ELMOD2: variants seen among roughly 807,000 people sequenced by gnomAD.
ELMOD2 encodes the protein ELMO domain-containing protein 2.
ELMOD2 carries 28 observed loss-of-function variants against 41.0 expected under a neutral mutation model. The ratio of observed to expected loss-of-function variants is 0.68; its 90% CI spans 0.51 to 0.94. The LOEUF (loss-of-function observed/expected upper bound fraction) is 0.94, where lower values mean the gene tolerates loss of function less well. ELMOD2 is among the 40% of genes least tolerant of loss of function. ELMOD2 has a pLI of 0.00. For missense variants in ELMOD2, 333 were observed against 343.1 expected (o/e 0.97, Z 0.23); for synonymous variants, 106 against 107.2 (o/e 0.99, Z 0.07).
chr4:140,545,395 C>G (rs964801452), intron 8 of ELMOD2, among the ~76,000 whole-genome samples: 5 of 152,148 alleles, frequency 3.3e-5, no homozygotes, highest in Non-Finnish European at 7.4e-5. Flanking sequence ...CTAAGTGGTA[C>G]CATCTGGTCC....
At chr4:140,529,104 A>G (rs1050646198) in intron 3 of ELMOD2, among the ~76,000 whole-genome samples, 3 of 152,132 alleles carry the variant, frequency 2.0e-5, no homozygotes, top group Non-Finnish European at 4.4e-5. Context: ...TAAAACACAG[A>G]TTATTGGGCC....
chr4:140,532,829 A>G (rs752570616), intron 3 of ELMOD2, among the ~76,000 whole-genome samples: 1 of 152,250 alleles, frequency 6.6e-6, no homozygotes, highest in Non-Finnish European at 1.5e-5. Flanking sequence ...GAAATAAATT[A>G]TATTAACAGA....
chr4:140,525,339 TTG>T, intron 1 of ELMOD2, 79 bp from the exon 2 acceptor site: 1 of 1,355,428 alleles, frequency 7.4e-7, no homozygotes, highest in South Asian at 1.4e-5. Context: ...AATTTGAGAT[TTG>T]ATCAGTTGTA....
intron 3 of ELMOD2, among the ~76,000 whole-genome samples, chr4:140,534,420 G>A (rs897143080): frequency 2.0e-5 from 3 of 152,144 alleles, no homozygotes; most frequent in Non-Finnish European, 4.4e-5. Flanking sequence ...GGGCATAAAC[G>A]AACTTTCTGG....
At chr4:140,536,317 T>A (rs1487457980) in intron 4 of ELMOD2, among the ~76,000 whole-genome samples, 2 of 152,200 alleles carry the variant, frequency 1.3e-5, no homozygotes, top group Non-Finnish European at 2.9e-5. Context: ...CATTTCTGTG[T>A]TCCCAGCGCT....
At chr4:140,536,169 T>G (rs145129616) in intron 4 of ELMOD2, among the ~76,000 whole-genome samples, 1 of 152,296 alleles carries the variant, frequency 6.6e-6, no homozygotes, top group Non-Finnish European at 1.5e-5. Context: ...CCTACCAGGC[T>G]CCTCCATTCT....
chr4:140,540,337 G>T, intron 6 of ELMOD2, 36 bp downstream of exon 6: 1 of 1,607,242 alleles, frequency 6.2e-7, no homozygotes, highest in Non-Finnish European at 8.5e-7. Flanking sequence ...TTCCCTAAAT[G>T]AAATTACATT....
chr4:140,553,269 A>T lies in ELMOD2; in HGVS notation c.*2894A>T, dbSNP rs867489739. On this transcript the variant is annotated 3_prime_UTR_variant, in exon 9 of 9. Coordinates refer to ENST00000323570, the MANE Select transcript of ELMOD2 (RefSeq NM_153702.4). ...TACACATGATCATGGCACAGAAGAT[A>T]GGAGGTTTGACTTGGTGGGCCATAA... 3.9e-5 allele frequency: 6 copies of T among 152,276 alleles called. No individual in the cohort carries two copies. The highest frequency in any genetic ancestry group is 3.4e-3 in the Middle Eastern group (1 of 294). The allele number at this position is 152,276 out of a possible 1,614,324, so 9.4% of individuals were successfully genotyped here.
intron 8 of ELMOD2, among the ~76,000 whole-genome samples, chr4:140,546,164 T>G (rs941055422): frequency 6.6e-6 from 1 of 152,064 alleles, no homozygotes; most frequent in African/African-American, 2.4e-5. Context: ...CCATAAAAAA[T>G]GATGAGTTCA....
chr4:140,543,923 C>G (rs1327716458), intron 8 of ELMOD2, among the ~76,000 whole-genome samples: 2 of 152,064 alleles, frequency 1.3e-5, no homozygotes, highest in Non-Finnish European at 2.9e-5. Flanking sequence ...CTGTTAAGGA[C>G]AGACCATTTG....
chr4:140,527,362 ATTAG>A, intron 2 of ELMOD2, 100 bp from the exon 3 acceptor site: 1 of 867,298 alleles, frequency 1.2e-6, no homozygotes, highest in South Asian at 1.5e-5. Context: ...TCCTGGAACT[ATTAG>A]TTTGTTACTG....
chr4:140,529,565 C>T (rs962120989), intron 3 of ELMOD2, among the ~76,000 whole-genome samples: 4 of 152,162 alleles, frequency 2.6e-5, no homozygotes, highest in Non-Finnish European at 5.9e-5. Flanking sequence ...TATCTGGTCC[C>T]CTTCATTACT....
chr4:140,524,974 C>T (rs1412365457), intron 1 of ELMOD2: 2 of 155,580 alleles, frequency 1.3e-5, no homozygotes, highest in African/African-American at 4.8e-5. Context: ...AACGAATTAT[C>T]CACATGGGAT....
intron 8 of ELMOD2, among the ~76,000 whole-genome samples, chr4:140,549,994 C>A (rs1209845466): frequency 1.3e-5 from 2 of 151,992 alleles, no homozygotes; most frequent in Non-Finnish European, 2.9e-5. Context: ...GGTGAAAGTA[C>A]TATATCTTTT....
At position 140,542,654 on chromosome 4, in the gene ELMOD2, A is replaced by G. The variant is rs1735145781; in HGVS notation, c.602+12A>G. 13 of 1,585,950 alleles carry G rather than the reference A, an allele frequency of 8.2e-6. No individual in the cohort carries two copies. The highest frequency in any genetic ancestry group is 1.3e-5 in the African/African-American group (1 of 74,270). On this transcript the variant is annotated intron_variant, in intron 7 of 8. Coordinates refer to ENST00000323570, the MANE Select transcript of ELMOD2 (RefSeq NM_153702.4). ...CATCCAAAATTAGGGTAAGCTGGGT[A>G]TATTAAAGAAGCCGTAATCTCTTGC... is the stretch of plus-strand genomic sequence containing the variant.
chr4:140,525,039 G>T (rs1361820909), intron 1 of ELMOD2: 1 of 162,112 alleles, frequency 6.2e-6, no homozygotes, highest in Non-Finnish European at 1.3e-5. Flanking sequence ...TATTTTAATT[G>T]TTGATTAGTT....
At position 140,525,506 on chromosome 4, in the gene ELMOD2, T is replaced by A; in HGVS notation, c.78T>A (p.Thr26=). The change falls in exon 2 of 9, where the codon ACT becomes ACA. Residue 26 remains threonine, a synonymous_variant. Transcript: ENST00000323570. ...FWMKWLLRQM[T]GKCELQRIFD... is the part of the protein sequence containing the mutation. ...TGAAATGGCTATTACGACAGATGACTGGGAAGTGTGAATTGCAGCGAATAT... is the reference window on the plus strand; with the variant it reads ...TGAAATGGCTATTACGACAGATGACAGGGAAGTGTGAATTGCAGCGAATAT... 6.2e-7 allele frequency: 1 copy of A among 1,614,034 alleles called. No individual in the cohort carries two copies. Among genetic ancestry groups the A allele is most frequent in the Non-Finnish European group, 8.5e-7 (1 of 1,179,968 alleles).
Position 140,553,010 on chromosome 4 carries a change from T to A in ELMOD2, c.*2635T>A, listed in dbSNP as rs1049353435. ...ATTTACAGTTTAGAAAACAATCTTTTTCTTAAAAATGCCCATCTGATTTCT... is the reference window on the plus strand; with the variant it reads ...ATTTACAGTTTAGAAAACAATCTTTATCTTAAAAATGCCCATCTGATTTCT... On this transcript the variant is annotated 3_prime_UTR_variant, in exon 9 of 9. Transcript: ENST00000323570. The A allele has an allele frequency of 6.6e-6, 1 of 152,126 alleles. No homozygotes were observed. The highest frequency in any genetic ancestry group is 2.4e-5 in the African/African-American group (1 of 41,438). 9.4% of individuals were successfully genotyped at this position (152,126 alleles called of 1,614,324 possible).
intron 3 of ELMOD2, among the ~76,000 whole-genome samples, chr4:140,535,191 T>C (rs925482669): frequency 4.0e-5 from 6 of 150,542 alleles, no homozygotes; most frequent in African/African-American, 1.5e-4. Flanking sequence ...TTGGGGTATA[T>C]CTAAACTAAG....
Sources: gnomAD v4.1 joint callset for allele counts (sites outside exome capture counted in the v4.1 genomes callset) on GRCh38, gnomAD v4.1.1 for gene constraint, MANE v1.5 for transcripts, NCBI Gene and HGNC (gene_info 2026-07-23, HGNC 2026-07-21) for gene names.